ATP2A2: variants seen among roughly 807,000 people sequenced by gnomAD.
The protein encoded by ATP2A2 is sarcoplasmic/endoplasmic reticulum calcium ATPase 2.
A neutral mutation model predicts 109.3 loss-of-function variants in ATP2A2; 14 were observed. That is an observed-to-expected ratio of 0.13 (90% CI 0.08 to 0.20). The LOEUF (loss-of-function observed/expected upper bound fraction) is 0.20. Among genes scored for constraint, ATP2A2 ranks in the 10% least tolerant of loss-of-function variants. ATP2A2 has a pLI of 1.00. For synonymous variants in ATP2A2, 506 were observed against 490.9 expected, an observed-to-expected ratio of 1.03 and a Z score of -0.41; for missense variants, 657 against 1,321.6, an observed-to-expected ratio of 0.50 and a Z score of 7.80.
Position 110,282,914 on chromosome 12 carries a change from C to T in ATP2A2, c.219+119C>T, listed in dbSNP as rs776434948. 55 of 905,396 alleles carry T rather than the reference C, an allele frequency of 6.1e-5. 1 individual carries two copies. In the Middle Eastern group the frequency reaches 9.8e-4, roughly 16 times the overall value. 56.1% of individuals were successfully genotyped at this position (905,396 alleles called of 1,614,324 possible). A position where few individuals can be genotyped will look rare whatever the true frequency, so the allele number is the denominator to read the frequency against. ...ATATTTGGAGTTGCAAGCTGTGTCT[C>T]TATGTTTAAAAACAATCTGGGCATT... On this transcript the variant is annotated intron_variant, in intron 3 of 19. Coordinates refer to ENST00000539276, the MANE Select transcript of ATP2A2 (RefSeq NM_170665.4).
chr12:110,350,654 T>TATAA lies in ATP2A2; in HGVS notation c.*4187_*4190dup. ...TTTCTCTGCAAAATGTCATAGCTTATATAAATGTACAGTATTCAATTGTAA... is the reference window on the plus strand; with the variant it reads ...TTTCTCTGCAAAATGTCATAGCTTATATAAATAAATGTACAGTATTCAATTGTAA... On this transcript the variant is annotated 3_prime_UTR_variant, in exon 20 of 20. Transcript: ENST00000539276. The TATAA allele has an allele frequency of 5.1e-6, 2 of 391,042 alleles. No individual in the cohort carries two copies. The highest frequency in any genetic ancestry group is 5.4e-5 in the South Asian group (2 of 37,058). 24.2% of individuals were successfully genotyped at this position (391,042 alleles called of 1,614,324 possible).
At chr12:110,320,333 T>A (rs942799536) in intron 5 of ATP2A2, among the ~76,000 whole-genome samples, 3 of 152,224 alleles carry the variant, frequency 2.0e-5, no homozygotes, top group African/African-American at 7.2e-5. Context: ...TGCTTATAGA[T>A]TGACGACCGC....
chr12:110,312,850 A>C (rs78550857), intron 5 of ATP2A2, among the ~76,000 whole-genome samples: 4 of 132,994 alleles, frequency 3.0e-5, no homozygotes, highest in African/African-American at 8.3e-5. Context: ...ACTCTGTTGC[A>C]AAAAAAAAAA....
intron 5 of ATP2A2, among the ~76,000 whole-genome samples, chr12:110,312,813 G>GCATT (rs2137772712): frequency 6.8e-6 from 1 of 146,028 alleles, no homozygotes; most frequent in South Asian, 2.1e-4. Context: ...TTGCACAACT[G>GCATT]CATTCCACCC....
chr12:110,326,546 C>CT, intron 7 of ATP2A2, 71 bp downstream of exon 7: 1 of 1,353,818 alleles, frequency 7.4e-7, no homozygotes, highest in Non-Finnish European at 1.0e-6. Context: ...ATGTTTTTCA[C>CT]TGCCAACCAT....
chr12:110,291,267 G>A lies in ATP2A2; in HGVS notation c.220-753G>A, dbSNP rs566962919. Among the ~76,000 whole-genome samples the A allele has an allele frequency of 2.6e-5, 4 of 151,938 alleles. No individual in the cohort carries two copies. In the South Asian group the frequency reaches 8.3e-4, roughly 32 times the overall value. ...TGCCCAGGCTGGAGTGCAGTGGCAC[G>A]ATCTCGGCTCACTGCCACCTCCGCC... is the stretch of plus-strand genomic sequence containing the variant. On this transcript the variant is annotated intron_variant, in intron 3 of 19. Transcript: ENST00000539276.
rs1293722436 is a variant in ATP2A2, at chr12:110,347,938, G to A, written c.*1468G>A. 1 of 987,178 alleles carries A rather than the reference G, an allele frequency of 1.0e-6. No homozygotes were observed. Among genetic ancestry groups the A allele is most frequent in the Non-Finnish European group, 1.2e-6 (1 of 831,204 alleles). The allele number at this position is 987,178 out of a possible 1,614,324, so 61.2% of individuals were successfully genotyped here. ...TGCCCTGTGAGCACCGGGGTTGCCT[G>A]TGGCGCCTGCCATGTGACTCGGGCG... On this transcript the variant is annotated 3_prime_UTR_variant, in exon 20 of 20. Coordinates refer to ENST00000539276, the MANE Select transcript of ATP2A2 (RefSeq NM_170665.4).
At chr12:110,332,750 A>G in intron 9 of ATP2A2, 65 bp downstream of exon 9, 13 of 1,359,712 alleles carry the variant, frequency 9.6e-6, no homozygotes, top group Non-Finnish European at 1.4e-5. Context: ...ATTGATTTGC[A>G]GCATGTCTAC....
intron 16 of ATP2A2, among the ~76,000 whole-genome samples, chr12:110,344,154 T>C (rs1879619404): frequency 1.3e-5 from 2 of 152,142 alleles, no homozygotes; most frequent in Admixed American, 1.3e-4. Context: ...GATCCTTCCA[T>C]ATCCGGACAT....
chr12:110,339,829 G>A lies in ATP2A2; in HGVS notation c.1761+108G>A, dbSNP rs575448985. 2.0e-4 allele frequency: 251 copies of A among 1,255,772 alleles called. No homozygotes were observed. The highest frequency in any genetic ancestry group is 2.8e-4 in the Non-Finnish European group (246 of 880,672). The allele number at this position is 1,255,772 out of a possible 1,614,324, so 77.8% of individuals were successfully genotyped here. On this transcript the variant is annotated intron_variant, in intron 13 of 19. Coordinates refer to ENST00000539276, the MANE Select transcript of ATP2A2 (RefSeq NM_170665.4). The surrounding 1 kb of genome is among the most constrained non-coding windows in gnomAD (Gnocchi z 4.4). ...CAGTTCTCACTTTTGCCAAGAAAGA[G>A]GTGTGGTTATTTGTTTTTCTGCCTG...
intron 11 of ATP2A2, among the ~76,000 whole-genome samples, chr12:110,335,389 C>T (rs772275060): frequency 3.3e-5 from 5 of 152,262 alleles, no homozygotes; most frequent in Middle Eastern, 3.4e-3. Flanking sequence ...GTGGACCAGG[C>T]GCAGTGGCTC....
Position 110,294,635 on chromosome 12 carries a change from C to T in ATP2A2, c.325-1964C>T, listed in dbSNP as rs147310470. ...CTGCACTCGAGCCTGGGCGACAGAG[C>T]TAGACTTCGTCTCAGAAAAAAAAGA... On this transcript the variant is annotated intron_variant, in intron 4 of 19. Transcript: ENST00000539276. Among the ~76,000 whole-genome samples the T allele has an allele frequency of 6.9e-3, 1,045 of 152,026 alleles. 1 individual carries two copies. The highest frequency in any genetic ancestry group is 9.4e-3 in the Non-Finnish European group (642 of 67,974).
At chr12:110,333,408 TCCATTCAGAAC>T in intron 10 of ATP2A2, 125 bp downstream of exon 10, 1 of 895,232 alleles carries the variant, frequency 1.1e-6, no homozygotes, top group Non-Finnish European at 1.8e-6. Context: ...GTTTCCCCCT[TCCATTCAGAAC>T]CTGATGGTGG....
intron 3 of ATP2A2, among the ~76,000 whole-genome samples, chr12:110,288,605 A>G (rs1872926527): frequency 6.6e-6 from 1 of 152,062 alleles, no homozygotes; most frequent in Non-Finnish European, 1.5e-5. Flanking sequence ...GGTTTTCGCC[A>G]TGTTGGTCAG....
At chr12:110,344,599 G>A (rs1015344399) in intron 16 of ATP2A2, among the ~76,000 whole-genome samples, 7 of 152,218 alleles carry the variant, frequency 4.6e-5, no homozygotes, top group African/African-American at 1.2e-4. Context: ...GAGAAGGCAC[G>A]GCAAGGGGAA....
At chr12:110,323,345 C>G (rs1339471050) in intron 6 of ATP2A2, among the ~76,000 whole-genome samples, 1 of 152,148 alleles carries the variant, frequency 6.6e-6, no homozygotes, top group Non-Finnish European at 1.5e-5. Flanking sequence ...CCACCATGCC[C>G]AGCTAATTTT....
In ATP2A2 at chr12:110,346,221, G is replaced by A. The variant is rs776811812; in HGVS notation, c.2880G>A (p.Pro960=). ...EPLPLIFQIT[P]LNVTQWLMVL... is the part of the protein sequence containing the mutation. ...GTCAGCTCATCTTCCAGATCACACC[G>A]CTGAACGTGACCCAGTGGCTGATGG... Residue 960 remains proline, a synonymous_variant, in exon 20 of 20, where the codon CCG becomes CCA. Transcript: ENST00000539276. 7 of 1,614,168 alleles carry A rather than the reference G, an allele frequency of 4.3e-6. No individual in the cohort carries two copies. Among genetic ancestry groups the A allele is most frequent in the East Asian group, 2.2e-5 (1 of 44,882 alleles).
At chr12:110,301,547 C>G (rs1874644545) in intron 5 of ATP2A2, among the ~76,000 whole-genome samples, 1 of 152,210 alleles carries the variant, frequency 6.6e-6, no homozygotes, top group Non-Finnish European at 1.5e-5. Flanking sequence ...AACTCCGTTT[C>G]CTTGGTCAGC....
intron 9 of ATP2A2, 74 bp from the exon 10 acceptor site, chr12:110,333,107 C>T (rs995478861): frequency 4.0e-5 from 50 of 1,245,694 alleles, no homozygotes; most frequent in Non-Finnish European, 5.9e-5. Flanking sequence ...TAAACAATTG[C>T]GGGGGGGCAG....
Sources: gnomAD v4.1 joint callset for allele counts (sites outside exome capture counted in the v4.1 genomes callset) on GRCh38, gnomAD v4.1.1 for gene constraint, Gnocchi (gnomAD v3.1) non-coding constraint, MANE v1.5 for transcripts, NCBI Gene and HGNC (gene_info 2026-07-23, HGNC 2026-07-21) for gene names.